The following CHCHD3 variants were observed in gnomAD, a reference collection of about 807,000 sequenced individuals.
CHCHD3 encodes MICOS complex subunit MIC19.
A neutral mutation model predicts 38.2 loss-of-function variants in CHCHD3; 20 were observed. That is an observed-to-expected ratio of 0.52 (90% CI 0.37 to 0.76). CHCHD3 has a LOEUF of 0.76. Among genes scored for constraint, CHCHD3 ranks in the 30% least tolerant of loss-of-function variants. The pLI is 0.00. For missense variants in CHCHD3, 245 were observed against 279.2 expected (o/e 0.88, Z 0.87); for synonymous variants, 82 against 100.0 (o/e 0.82, Z 1.07).
chr7:132,891,701 C>G (rs911757506), intron 4 of CHCHD3, among the ~76,000 whole-genome samples: 2 of 152,222 alleles, frequency 1.3e-5, no homozygotes, highest in African/African-American at 2.4e-5. Flanking sequence ...TGTCTGCACC[C>G]AAATCTTATC....
rs900626017 is a variant in CHCHD3, at chr7:133,021,955, C to T, written c.251+2591G>A. Among the ~76,000 whole-genome samples, 10 of 152,030 alleles carry T rather than the reference C, an allele frequency of 6.6e-5. No individual in the cohort carries two copies. In the South Asian group the frequency reaches 1.2e-3, roughly 19 times the overall value. On this transcript the variant is annotated intron_variant, in intron 3 of 7. Coordinates refer to ENST00000262570, the MANE Select transcript of CHCHD3 (RefSeq NM_017812.4). Reference sequence around the variant, plus strand: ...CAAAAAAATCAGCCGGGTGTGGTGGCGGGCGCCTGTAATCCCAGCTACTCG... The same window carrying T: ...CAAAAAAATCAGCCGGGTGTGGTGGTGGGCGCCTGTAATCCCAGCTACTCG...
At chr7:132,901,646 A>C (rs1002053096) in intron 4 of CHCHD3, among the ~76,000 whole-genome samples, 3 of 152,156 alleles carry the variant, frequency 2.0e-5, no homozygotes, top group Non-Finnish European at 4.4e-5. Context: ...TCCTTCGCCT[A>C]CTTGTTGATG....
intron 7 of CHCHD3, among the ~76,000 whole-genome samples, chr7:132,793,927 C>G (rs1806534562): frequency 6.6e-6 from 1 of 152,224 alleles, no homozygotes; most frequent in Admixed American, 6.5e-5. Flanking sequence ...AGTCTCTTAA[C>G]AGGGGCACAG....
intron 6 of CHCHD3, among the ~76,000 whole-genome samples, chr7:132,828,296 T>G (rs1328394916): frequency 6.6e-6 from 1 of 152,212 alleles, no homozygotes; most frequent in Non-Finnish European, 1.5e-5. Context: ...GTCAGTCTTC[T>G]TGATTTTTGC....
chr7:133,060,288 AG>A (rs1186639771), intron 2 of CHCHD3, among the ~76,000 whole-genome samples: 2 of 152,330 alleles, frequency 1.3e-5, no homozygotes, highest in Admixed American at 6.5e-5. Context: ...GGAGTGCTGA[AG>A]GAAGTGCCAG....
chr7:133,038,440 G>A (rs1286674272), intron 2 of CHCHD3, among the ~76,000 whole-genome samples: 1 of 152,126 alleles, frequency 6.6e-6, no homozygotes, highest in African/African-American at 2.4e-5. Flanking sequence ...TCTCCAAAAG[G>A]ATATTCATGG....
chr7:132,859,863 G>A (rs1359310531), intron 5 of CHCHD3, among the ~76,000 whole-genome samples: 1 of 152,122 alleles, frequency 6.6e-6, no homozygotes, highest in Non-Finnish European at 1.5e-5. Context: ...CCCCTCATGG[G>A]CTGACAACTC....
chr7:132,897,145 T>C (rs1397482384), intron 4 of CHCHD3, among the ~76,000 whole-genome samples: 1 of 152,210 alleles, frequency 6.6e-6, no homozygotes, highest in Non-Finnish European at 1.5e-5. Context: ...TCTTATTCCA[T>C]ATTGTGGGGA....
intron 6 of CHCHD3, among the ~76,000 whole-genome samples, chr7:132,808,927 C>A (rs1321755360): frequency 1.4e-5 from 2 of 144,546 alleles, no homozygotes; most frequent in African/African-American, 5.1e-5. Context: ...AGTAAACTAT[C>A]GCAAGAACAA....
intron 4 of CHCHD3, among the ~76,000 whole-genome samples, chr7:132,972,005 C>G (rs780544267): frequency 2.0e-5 from 3 of 152,028 alleles, no homozygotes; most frequent in Non-Finnish European, 4.4e-5. Flanking sequence ...ACTGTCCACA[C>G]CGCACAGTAC....
chr7:133,013,185 CAAAAA>C (rs778964079), intron 3 of CHCHD3, among the ~76,000 whole-genome samples: 2 of 18,418 alleles, frequency 1.1e-4, no homozygotes, highest in Non-Finnish European at 2.0e-4. Context: ...GACTCCGCCT[CAAAAA>C]AAAAAAAAAA....
At chr7:132,804,362 G>A (rs527660785) in intron 6 of CHCHD3, among the ~76,000 whole-genome samples, 22 of 152,174 alleles carry the variant, frequency 1.4e-4, no homozygotes, top group East Asian at 1.2e-3. Context: ...ACATTCATGC[G>A]GAGCTTCTAT....
intron 5 of CHCHD3, among the ~76,000 whole-genome samples, chr7:132,864,116 G>C (rs192966384): frequency 6.6e-6 from 1 of 152,180 alleles, no homozygotes; most frequent in Non-Finnish European, 1.5e-5. Flanking sequence ...ACAGCTTTTA[G>C]CTTACCTAGG....
chr7:132,921,192 T>C (rs1810252013), intron 4 of CHCHD3, among the ~76,000 whole-genome samples: 1 of 152,208 alleles, frequency 6.6e-6, no homozygotes, highest in African/African-American at 2.4e-5. Flanking sequence ...GAGTAAATTA[T>C]GGCTCCAATT....
chr7:132,947,798 T>A (rs528679989), intron 4 of CHCHD3, among the ~76,000 whole-genome samples: 5 of 151,400 alleles, frequency 3.3e-5, no homozygotes, highest in Middle Eastern at 3.4e-3. Flanking sequence ...ACTCCAAATT[T>A]AAAAAAAAAT....
At chr7:132,916,273 A>G (rs961241827) in intron 4 of CHCHD3, among the ~76,000 whole-genome samples, 1 of 152,216 alleles carries the variant, frequency 6.6e-6, no homozygotes, top group Non-Finnish European at 1.5e-5. Context: ...TCTTTCACAG[A>G]ATTAGAAATA....
intron 4 of CHCHD3, among the ~76,000 whole-genome samples, chr7:132,948,193 C>A (rs1810943510): frequency 6.6e-6 from 1 of 152,034 alleles, no homozygotes; most frequent in Non-Finnish European, 1.5e-5. Flanking sequence ...TACAGTCACT[C>A]CCCATCTCTA....
chr7:132,878,923 A>G (rs191535735), intron 5 of CHCHD3, among the ~76,000 whole-genome samples: 1 of 152,328 alleles, frequency 6.6e-6, no homozygotes, highest in East Asian at 1.9e-4. Flanking sequence ...GATAGTCATT[A>G]GGAAAGCCTA....
At chr7:133,009,606 C>T (rs1450430296) in intron 3 of CHCHD3, among the ~76,000 whole-genome samples, 5 of 151,756 alleles carry the variant, frequency 3.3e-5, no homozygotes, top group African/African-American at 9.7e-5. Flanking sequence ...ATCCATGTTA[C>T]GCCATGCACC....
Sources: gnomAD v4.1 joint callset for allele counts (sites outside exome capture counted in the v4.1 genomes callset) on GRCh38, gnomAD v4.1.1 for gene constraint, MANE v1.5 for transcripts, NCBI Gene and HGNC (gene_info 2026-07-23, HGNC 2026-07-21) for gene names.